The following PRDM6 variants were observed in gnomAD, a reference collection of about 807,000 sequenced individuals.
PRDM6 encodes putative histone-lysine N-methyltransferase PRDM6.
A neutral mutation model predicts 60.8 loss-of-function variants in PRDM6; 25 were observed. The observed-to-expected ratio is 0.41, with a 90% CI of 0.30 to 0.57. PRDM6 has a LOEUF of 0.57. Among genes scored for constraint, PRDM6 ranks in the 20% least tolerant of loss-of-function variants. The pLI is 0.27. For missense variants in PRDM6, 839 were observed against 821.3 expected (o/e 1.02, Z -0.26); for synonymous variants, 407 against 357.4 (o/e 1.14, Z -1.57).
intron 2 of PRDM6, among the ~76,000 whole-genome samples, chr5:123,094,847 C>G (rs1763922894): frequency 1.3e-5 from 2 of 152,144 alleles, no homozygotes; most frequent in South Asian, 4.1e-4. Flanking sequence ...AACTGGCGCT[C>G]CCATTTAATT....
chr5:123,180,231 G>A lies in PRDM6; in HGVS notation c.1581G>A (p.Arg527=). Residue 527 remains arginine (R), a synonymous_variant, in exon 7 of 8, where the codon CGG becomes CGA. Transcript: ENST00000407847. ...ACGTGGTCACTCACTCTAGTGACCG[G>A]CCTTTCAAGTGCGGCTACTGTGGTC... The part of the protein sequence containing the change: ...RNHVVTHSSD[R]PFKCGYCGRA... The A allele has an allele frequency of 1.9e-6, 3 of 1,552,030 alleles. No homozygotes were observed. Among genetic ancestry groups the A allele is most frequent in the Non-Finnish European group, 2.6e-6 (3 of 1,147,080 alleles).
At position 123,090,489 on chromosome 5, in the gene PRDM6, G is replaced by C; in HGVS notation, c.475G>C (p.Glu159Gln). The change falls in exon 2 of 8, where the codon GAG becomes CAG. Residue 159 changes from glutamate to glutamine, a missense_variant. By Grantham distance (29) the Glu-to-Gln change is conservative. This residue lies in a region of PRDM6 where 730 missense variants were observed against 648.8 expected (regional missense o/e 1.13). Coordinates refer to ENST00000407847, the MANE Select transcript of PRDM6 (RefSeq NM_001136239.4). ...CGGTGGTGGTGGCGGCGGCGGCGGG[G>C]AGGGTCGCGGCGCCCCGCGCTTCCG... ...KCGGGGGGGG[E>Q]GRGAPRFRCS... 1 of 1,486,838 alleles carries C rather than the reference G, an allele frequency of 6.7e-7. No homozygotes were observed. Among genetic ancestry groups the C allele is most frequent in the East Asian group, 2.9e-5 (1 of 34,180 alleles). The allele number at this position is 1,486,838 out of a possible 1,614,324, so 92.1% of individuals were successfully genotyped here.
chr5:123,144,669 C>G (rs1246640511), intron 3 of PRDM6, among the ~76,000 whole-genome samples: 1 of 152,142 alleles, frequency 6.6e-6, no homozygotes, highest in Non-Finnish European at 1.5e-5. Flanking sequence ...TGGGTGAAGT[C>G]TTTATCCTGC....
At chr5:123,116,881 A>G (rs893894371) in intron 3 of PRDM6, among the ~76,000 whole-genome samples, 2 of 152,202 alleles carry the variant, frequency 1.3e-5, no homozygotes, top group African/African-American at 2.4e-5. Context: ...GATAATTTCA[A>G]GAAAAAGTGC....
rs137909660 is a variant in PRDM6, at chr5:123,148,909, A to G, written c.901-6975A>G. Among the ~76,000 whole-genome samples, 322 of 152,254 alleles carry G rather than the reference A, an allele frequency of 2.1e-3. 1 individual carries two copies. Among genetic ancestry groups the G allele is most frequent in the African/African-American group, 7.1e-3 (295 of 41,520 alleles). On this transcript the variant is annotated intron_variant, in intron 3 of 7. Coordinates refer to ENST00000407847, the MANE Select transcript of PRDM6 (RefSeq NM_001136239.4). ...GGTGGCCTATGATTCACATTTCCCA[A>G]CCATATAACTGAGAGCAAATCATTT...
chr5:123,097,171 A>G (rs1009521320), intron 2 of PRDM6, among the ~76,000 whole-genome samples: 1 of 152,252 alleles, frequency 6.6e-6, no homozygotes, highest in African/African-American at 2.4e-5. Flanking sequence ...AGACAGTAAC[A>G]TTCAAAATTA....
chr5:123,162,734 CAT>C (rs1459511257), intron 5 of PRDM6, among the ~76,000 whole-genome samples: 2 of 152,152 alleles, frequency 1.3e-5, no homozygotes, highest in African/African-American at 2.4e-5. Context: ...GTCTCAGAGT[CAT>C]ATATCTGTCA....
intron 7 of PRDM6, among the ~76,000 whole-genome samples, chr5:123,182,711 A>T (rs1766191296): frequency 6.6e-6 from 1 of 152,036 alleles, no homozygotes; most frequent in South Asian, 2.1e-4. Context: ...ACCTACTTTC[A>T]TCTGGAAAAA....
intron 3 of PRDM6, among the ~76,000 whole-genome samples, chr5:123,125,598 A>G (rs969785366): frequency 6.6e-6 from 1 of 152,192 alleles, no homozygotes; most frequent in African/African-American, 2.4e-5. Flanking sequence ...TGATAGGTTC[A>G]AGGCAGAATG....
intron 3 of PRDM6, among the ~76,000 whole-genome samples, chr5:123,136,201 CTT>C: frequency 6.6e-6 from 1 of 152,196 alleles, no homozygotes; most frequent in South Asian, 2.1e-4. Flanking sequence ...GAAGTCAGAC[CTT>C]TATCTCCTTT....
intron 5 of PRDM6, among the ~76,000 whole-genome samples, chr5:123,169,210 TTAAAA>T (rs1765829553): frequency 6.6e-6 from 1 of 152,206 alleles, no homozygotes; most frequent in Non-Finnish European, 1.5e-5. Context: ...GATATAGTAG[TTAAAA>T]TAAAAAAAGA....
intron 5 of PRDM6, among the ~76,000 whole-genome samples, chr5:123,160,587 C>CACAT (rs3990400): frequency 0.21 from 31,449 of 151,984 alleles, 3,836 homozygotes; most frequent in African/African-American, 0.34. Flanking sequence ...CACATGCACT[C>CACAT]ACACAAAAAC....
intron 3 of PRDM6, among the ~76,000 whole-genome samples, chr5:123,120,911 T>C (rs920472317): frequency 1.3e-4 from 20 of 152,222 alleles, no homozygotes; most frequent in Middle Eastern, 3.2e-3. Context: ...TTATCTCTCT[T>C]ACAGAGTTAT....
At chr5:123,187,006 C>A (rs1766302428) in intron 7 of PRDM6, 81 bp from the exon 8 acceptor site, 2 of 1,040,936 alleles carry the variant, frequency 1.9e-6, no homozygotes, top group Non-Finnish European at 2.9e-6. Flanking sequence ...AGTGTCTGTT[C>A]TGATTAGGCA....
chr5:123,112,783 C>CTTTTTTTTTTTTTTTTTTTTTTTTT (rs537426568), intron 3 of PRDM6, among the ~76,000 whole-genome samples: 2 of 47,504 alleles, frequency 4.2e-5, no homozygotes, highest in Admixed American at 2.8e-4. Context: ...TCTAATGGCT[C>CTTTTTTTTTTTTTTTTTTTTTTTTT]TTTTTTTTTT....
At chr5:123,150,967 T>A (rs1313008226) in intron 3 of PRDM6, among the ~76,000 whole-genome samples, 2 of 152,236 alleles carry the variant, frequency 1.3e-5, no homozygotes, top group African/African-American at 4.8e-5. Context: ...ATACTTAGAA[T>A]CAAGGTTTAA....
At chr5:123,090,770 C>G (rs979603546) in intron 2 of PRDM6, among the ~76,000 whole-genome samples, 164 bp downstream of exon 2, 1 of 152,262 alleles carries the variant, frequency 6.6e-6, no homozygotes, top group East Asian at 1.9e-4. Flanking sequence ...ATCTCTGTGA[C>G]AAAAGTTTTC....
intron 3 of PRDM6, among the ~76,000 whole-genome samples, chr5:123,153,299 G>A (rs534165447): frequency 4.0e-5 from 6 of 151,866 alleles, no homozygotes; most frequent in African/African-American, 1.2e-4. Context: ...CTTTAGGTGA[G>A]AAAAAACATC....
intron 3 of PRDM6, among the ~76,000 whole-genome samples, chr5:123,146,234 T>C (rs335171): frequency 0.73 from 111,708 of 152,108 alleles, 41,219 homozygotes; most frequent in African/African-American, 0.76. Flanking sequence ...AAGGTCTATT[T>C]GGTATTGTAC....
Sources: allele counts gnomAD v4.1 joint callset (sites outside exome capture counted in the v4.1 genomes callset), GRCh38; gene constraint gnomAD v4.1.1; regional missense constraint gnomAD v4.1.1; transcripts MANE v1.5; gene names NCBI Gene and HGNC (gene_info 2026-07-23, HGNC 2026-07-21).